The following SLC25A26 variants were observed in gnomAD, a reference collection of about 807,000 sequenced individuals.
The protein encoded by SLC25A26 is solute carrier family 25 member 26.
Under a neutral mutation model 37.8 loss-of-function variants are expected in SLC25A26, and 36 were observed. The ratio of observed to expected loss-of-function variants is 0.95; its 90% confidence interval spans 0.73 to 1.26. SLC25A26 has a LOEUF of 1.26. Ranked by LOEUF, SLC25A26 falls within the 50% of genes most tolerant of loss-of-function variation. The pLI, the probability that SLC25A26 is intolerant of heterozygous loss-of-function variation, is 0.00. For missense variants in SLC25A26, 390 were observed against 331.1 expected, an observed-to-expected ratio of 1.18 and a Z score of -1.38; for synonymous variants, 129 against 122.5, an observed-to-expected ratio of 1.05 and a Z score of -0.35.
At chr3:66,192,544 C>T (rs2070966652) in intron 1 of SLC25A26, among the ~76,000 whole-genome samples, 1 of 151,944 alleles carries the variant, frequency 6.6e-6, no homozygotes, top group Non-Finnish European at 1.5e-5. Context: ...TTATAGCAGC[C>T]CAATTGACTA....
At chr3:66,340,574 T>C (rs1217120156) in intron 5 of SLC25A26, among the ~76,000 whole-genome samples, 1 of 152,098 alleles carries the variant, frequency 6.6e-6, no homozygotes, top group Admixed American at 6.6e-5. Flanking sequence ...CCAGCTCTCA[T>C]TAATTTTTGT....
In SLC25A26 at chr3:66,333,865, G is replaced by A. The variant is rs1218702356; in HGVS notation, c.454-12499G>A. Among the ~76,000 whole-genome samples the A allele has an allele frequency of 3.9e-5, 6 of 152,074 alleles. No homozygotes were observed. In the East Asian group the frequency reaches 7.7e-4, roughly 20 times the overall value. ...AAACAAACAAAAAACACACACTCCA[G>A]TTCCCTCCTCTGTATTACAGAGAGT... On this transcript the variant is annotated intron_variant, in intron 5 of 9. Coordinates refer to ENST00000354883, the MANE Select transcript of SLC25A26 (RefSeq NM_001379210.1).
At chr3:66,168,958 C>T (rs778053961) in intron 1 of SLC25A26, among the ~76,000 whole-genome samples, 1 of 152,080 alleles carries the variant, frequency 6.6e-6, no homozygotes, top group Non-Finnish European at 1.5e-5. Flanking sequence ...CTGGTCTATA[C>T]AAAACATTTT....
intron 1 of SLC25A26, among the ~76,000 whole-genome samples, chr3:66,167,829 C>A (rs1187306064): frequency 6.6e-6 from 1 of 152,052 alleles, no homozygotes; most frequent in Non-Finnish European, 1.5e-5. Context: ...ACGGAAAGAT[C>A]TCTGTGTTAT....
At chr3:66,292,007 GGATAGTTAGCTCTTCTT>G (rs58877022) in intron 5 of SLC25A26, among the ~76,000 whole-genome samples, 7,367 of 152,164 alleles carry the variant, frequency 0.048, 595 homozygotes, top group African/African-American at 0.17. Context: ...TATGTATTTA[GGATAGTTAGCTCTTCTT>G]GTTGCGTTGA....
At chr3:66,369,445 A>G in intron 7 of SLC25A26, 33 bp from the exon 8 acceptor site, 1 of 1,570,748 alleles carries the variant, frequency 6.4e-7, no homozygotes, top group Non-Finnish European at 8.7e-7. Flanking sequence ...AGTAAACAGG[A>G]TCTCACTTGG....
At chr3:66,224,886 T>C (rs36145851) in intron 1 of SLC25A26, among the ~76,000 whole-genome samples, 86,012 of 152,160 alleles carry the variant, frequency 0.57, 27,095 homozygotes, top group Middle Eastern at 0.82. Context: ...AAGTCTGAAA[T>C]CCAACAGGGT....
chr3:66,370,355 G>A (rs188195207), intron 8 of SLC25A26, among the ~76,000 whole-genome samples, 174 bp from the exon 9 acceptor site: 41 of 152,332 alleles, frequency 2.7e-4, no homozygotes, highest in Non-Finnish European at 5.4e-4. Flanking sequence ...ATATCGGAGT[G>A]TAAGCACTTC....
At chr3:66,306,814 T>C (rs527890938) in intron 5 of SLC25A26, among the ~76,000 whole-genome samples, 1 of 152,376 alleles carries the variant, frequency 6.6e-6, no homozygotes, top group East Asian at 1.9e-4. Flanking sequence ...GCTTCATCCA[T>C]GTCCCTGCAA....
chr3:66,223,369 G>A (rs1553659388), intron 1 of SLC25A26, among the ~76,000 whole-genome samples: 2 of 152,182 alleles, frequency 1.3e-5, no homozygotes, highest in African/African-American at 4.8e-5. Context: ...GGATAGCATG[G>A]CAGGGGTTGG....
chr3:66,314,114 T>C (rs192346687), intron 5 of SLC25A26, among the ~76,000 whole-genome samples: 1 of 152,286 alleles, frequency 6.6e-6, no homozygotes, highest in East Asian at 1.9e-4. Context: ...CTTTATTTCT[T>C]TCTCTTGCCT....
chr3:66,145,292 G>A lies in SLC25A26; in HGVS notation c.-354+11308G>A, dbSNP rs758590101. Among the ~76,000 whole-genome samples the A allele has an allele frequency of 4.6e-5, 7 of 152,140 alleles. No individual in the cohort carries two copies. The South Asian group carries it at 1.0e-3, about 22-fold the overall frequency. Reference sequence around the variant, plus strand: ...TTTGCATGAGTGAATGTTCCCAGTCGTTCTGGTGGATAAACACTTTGTTAT... The same window carrying A: ...TTTGCATGAGTGAATGTTCCCAGTCATTCTGGTGGATAAACACTTTGTTAT... On this transcript the variant is annotated intron_variant, in intron 1 of 10. Coordinates refer to the SLC25A26 transcript ENST00000676754.
At chr3:66,155,183 T>C (rs2070264385) in intron 1 of SLC25A26, among the ~76,000 whole-genome samples, 1 of 152,212 alleles carries the variant, frequency 6.6e-6, no homozygotes, top group East Asian at 1.9e-4. Flanking sequence ...AGAGACCAGC[T>C]CAATAAATAC....
At chr3:66,298,223 T>A (rs1169229225) in intron 5 of SLC25A26, among the ~76,000 whole-genome samples, 3 of 152,150 alleles carry the variant, frequency 2.0e-5, no homozygotes. Context: ...TCTTCTGTTT[T>A]GAAAAAAAGA....
chr3:66,307,482 T>G (rs1017166964), intron 5 of SLC25A26, among the ~76,000 whole-genome samples: 5 of 152,250 alleles, frequency 3.3e-5, no homozygotes, highest in African/African-American at 1.2e-4. Context: ...TAGTTTCTTT[T>G]GCTGTGCAGA....
At chr3:66,248,199 TTAA>T in intron 3 of SLC25A26, among the ~76,000 whole-genome samples, 1 of 152,206 alleles carries the variant, frequency 6.6e-6, no homozygotes, top group East Asian at 1.9e-4. Context: ...TGATTAAAAC[TTAA>T]TGATGAATCA....
At chr3:66,234,972 C>G (rs1181000656) in intron 1 of SLC25A26, among the ~76,000 whole-genome samples, 1 of 152,088 alleles carries the variant, frequency 6.6e-6, no homozygotes, top group African/African-American at 2.4e-5. Flanking sequence ...TTTATAATGC[C>G]TCTGCCTGCC....
chr3:66,138,015 G>T (rs1463662688), intron 1 of SLC25A26, among the ~76,000 whole-genome samples: 1 of 151,802 alleles, frequency 6.6e-6, no homozygotes, highest in South Asian at 2.1e-4. Context: ...TGTATTTTTA[G>T]TAGAGACGGG....
intron 1 of SLC25A26, among the ~76,000 whole-genome samples, chr3:66,163,787 G>C (rs1326110881): frequency 6.6e-6 from 1 of 152,116 alleles, no homozygotes; most frequent in African/African-American, 2.4e-5. Flanking sequence ...CTGAAGTTTT[G>C]CATGACAATT....
Sources: gnomAD v4.1 joint callset for allele counts (sites outside exome capture counted in the v4.1 genomes callset) on GRCh38, gnomAD v4.1.1 for gene constraint, MANE v1.5 for transcripts, NCBI Gene and HGNC (gene_info 2026-07-23, HGNC 2026-07-21) for gene names.